RAP1GDS1: variants seen among roughly 807,000 people sequenced by gnomAD.
The protein encoded by RAP1GDS1 is RAP1, GTP-GDP dissociation stimulator 1.
A neutral mutation model predicts 71.1 loss-of-function variants in RAP1GDS1; 35 were observed. That is an observed-to-expected ratio of 0.49 (90% CI 0.38 to 0.65). The LOEUF (loss-of-function observed/expected upper bound fraction) is 0.65, where lower values mean the gene tolerates loss of function less well. Ranked by LOEUF, RAP1GDS1 falls within the 30% of genes least tolerant of loss-of-function variation. The pLI is 0.00. For missense variants in RAP1GDS1, 663 were observed against 706.1 expected, an observed-to-expected ratio of 0.94 and a Z score of 0.69; for synonymous variants, 229 against 243.1, an observed-to-expected ratio of 0.94 and a Z score of 0.54.
intron 2 of RAP1GDS1, among the ~76,000 whole-genome samples, chr4:98,325,435 T>G (rs1460020692): frequency 1.1e-4 from 16 of 151,498 alleles, no homozygotes; most frequent in African/African-American, 1.7e-4. Context: ...TATACCCAAA[T>G]GACTATAAAT....
intron 1 of RAP1GDS1, among the ~76,000 whole-genome samples, chr4:98,268,564 A>G (rs1325927038): frequency 6.6e-6 from 1 of 152,092 alleles, no homozygotes; most frequent in African/African-American, 2.4e-5. Context: ...AAAGCCTTAA[A>G]GACTCCTTGA....
chr4:98,279,708 C>T (rs1724774489), intron 1 of RAP1GDS1, among the ~76,000 whole-genome samples: 1 of 152,032 alleles, frequency 6.6e-6, no homozygotes, highest in South Asian at 2.1e-4. Context: ...TTGCTGTACC[C>T]ATCAACTCAT....
intron 4 of RAP1GDS1, 32 bp from the exon 5 acceptor site, chr4:98,378,984 CT>C (rs750905407): frequency 7.9e-6 from 12 of 1,515,586 alleles, no homozygotes; most frequent in Non-Finnish European, 9.8e-6. Flanking sequence ...TTTCTTTTTT[CT>C]TTTATTTTTA....
At chr4:98,413,985 T>A (rs1747506258) in intron 7 of RAP1GDS1, among the ~76,000 whole-genome samples, 1 of 152,336 alleles carries the variant, frequency 6.6e-6, no homozygotes, top group African/African-American at 2.4e-5. Context: ...ATGAGCATTT[T>A]TTCATGTGTT....
intron 1 of RAP1GDS1, among the ~76,000 whole-genome samples, chr4:98,262,085 A>C (rs1431353509): frequency 6.6e-6 from 1 of 152,220 alleles, no homozygotes; most frequent in Non-Finnish European, 1.5e-5. Context: ...GGGAGATCTT[A>C]CAACCTGCAC....
intron 2 of RAP1GDS1, among the ~76,000 whole-genome samples, chr4:98,316,776 G>T (rs1406094460): frequency 6.6e-6 from 1 of 152,152 alleles, no homozygotes; most frequent in Non-Finnish European, 1.5e-5. Context: ...GAGAAGTTCT[G>T]CATGAGAGTA....
intron 12 of RAP1GDS1, among the ~76,000 whole-genome samples, chr4:98,431,209 CATTT>C (rs1485385483): frequency 6.6e-6 from 1 of 152,184 alleles, no homozygotes; most frequent in Admixed American, 6.5e-5. Context: ...ATCCAACAAA[CATTT>C]ATTTAAATCC....
intron 2 of RAP1GDS1, among the ~76,000 whole-genome samples, chr4:98,342,319 A>T (rs1022838127): frequency 6.6e-6 from 1 of 152,208 alleles, no homozygotes; most frequent in African/African-American, 2.4e-5. Context: ...ACAAATTTCA[A>T]TTGAATGTTT....
At chr4:98,273,489 CTG>C (rs1365787844) in intron 1 of RAP1GDS1, among the ~76,000 whole-genome samples, 1 of 151,866 alleles carries the variant, frequency 6.6e-6, no homozygotes, top group Non-Finnish European at 1.5e-5. Flanking sequence ...AATGAAAAGA[CTG>C]GAGTTCTTTT....
At chr4:98,440,203 A>G (rs904012967) in intron 14 of RAP1GDS1, among the ~76,000 whole-genome samples, 2 of 152,182 alleles carry the variant, frequency 1.3e-5, no homozygotes, top group South Asian at 2.1e-4. Context: ...TCATATGTAT[A>G]TATCACATTT....
At chr4:98,269,734 A>T (rs1723188527) in intron 1 of RAP1GDS1, among the ~76,000 whole-genome samples, 1 of 152,186 alleles carries the variant, frequency 6.6e-6, no homozygotes, top group African/African-American at 2.4e-5. Flanking sequence ...TGCACATTGC[A>T]GCATTTGGAT....
chr4:98,437,206 TC>T (rs1257974832), intron 14 of RAP1GDS1, 138 bp downstream of exon 14: 72 of 886,488 alleles, frequency 8.1e-5, no homozygotes, highest in Non-Finnish European at 1.1e-4. Flanking sequence ...ATAACTTTTT[TC>T]CCCTATTACT....
chr4:98,373,126 T>G (rs1407942753), intron 4 of RAP1GDS1, among the ~76,000 whole-genome samples: 1 of 152,206 alleles, frequency 6.6e-6, no homozygotes, highest in Non-Finnish European at 1.5e-5. Context: ...CTGAAAAACT[T>G]TTACTAACAT....
intron 2 of RAP1GDS1, among the ~76,000 whole-genome samples, chr4:98,296,029 AAACAACAAC>A (rs5860532): frequency 0.042 from 6,279 of 150,402 alleles, 300 homozygotes; most frequent in African/African-American, 0.12. Flanking sequence ...CTTGCTTTTT[AAACAACAAC>A]AACAACAACA....
chr4:98,392,374 T>C, intron 6 of RAP1GDS1: 2 of 208,228 alleles, frequency 9.6e-6, no homozygotes. Flanking sequence ...CCACTTGACT[T>C]TAATCTTTTT....
At chr4:98,361,988 G>A (rs1398246694) in intron 4 of RAP1GDS1, among the ~76,000 whole-genome samples, 2 of 152,106 alleles carry the variant, frequency 1.3e-5, no homozygotes, top group Non-Finnish European at 2.9e-5. Flanking sequence ...CCTGAATCTG[G>A]AAGGTGAATA....
At chr4:98,275,445 G>C (rs1043227013) in intron 1 of RAP1GDS1, among the ~76,000 whole-genome samples, 3 of 152,134 alleles carry the variant, frequency 2.0e-5, no homozygotes, top group Non-Finnish European at 4.4e-5. Context: ...ACAAAGGAAT[G>C]AGTTGTGTTC....
intron 2 of RAP1GDS1, among the ~76,000 whole-genome samples, chr4:98,339,438 A>AT (rs1466904325): frequency 6.6e-6 from 1 of 152,236 alleles, no homozygotes; most frequent in Non-Finnish European, 1.5e-5. Context: ...GAGGAGAAAG[A>AT]TGTTGAATTG....
At chr4:98,344,455 C>T (rs1312623397) in intron 3 of RAP1GDS1, among the ~76,000 whole-genome samples, 2 of 152,048 alleles carry the variant, frequency 1.3e-5, no homozygotes, top group African/African-American at 4.8e-5. Flanking sequence ...ATCTTAAAAT[C>T]TTTTTTCTTA....
Sources: gnomAD v4.1 joint callset for allele counts (sites outside exome capture counted in the v4.1 genomes callset) on GRCh38, gnomAD v4.1.1 for gene constraint, MANE v1.5 for transcripts, NCBI Gene and HGNC (gene_info 2026-07-23, HGNC 2026-07-21) for gene names.